Variants in GPM6A observed in about 807,000 individuals in gnomAD.
The protein encoded by GPM6A is glycoprotein M6A, also known as neuronal membrane glycoprotein M6-a.
In GPM6A, 7 loss-of-function variants were observed where a neutral mutation model predicts 32.1. The ratio of observed to expected loss-of-function variants is 0.22; its 90% CI spans 0.12 to 0.41. The LOEUF (loss-of-function observed/expected upper bound fraction) is 0.41. Among genes scored for constraint, GPM6A ranks in the 10% least tolerant of loss-of-function variants. The pLI, the probability that GPM6A is intolerant of heterozygous loss-of-function variation, is 1.00. For missense variants in GPM6A, 235 were observed against 347.2 expected (o/e 0.68, Z 2.57); for synonymous variants, 130 against 123.4 (o/e 1.05, Z -0.35).
chr4:175,812,954 C>T, upstream of GPM6A: 1 of 985,296 alleles, frequency 1.0e-6, no homozygotes, highest in African/African-American at 1.7e-5. Context: ...GACTTGTAAT[C>T]CCACACCTTT....
chr4:175,919,407 C>A (rs537903877), intron 1 of GPM6A, among the ~76,000 whole-genome samples: 56 of 152,244 alleles, frequency 3.7e-4, no homozygotes, highest in African/African-American at 1.3e-3. Flanking sequence ...CCAGAAGAAG[C>A]TTAAAGAGCT....
At chr4:175,965,283 C>T (rs969375424) in intron 1 of GPM6A, among the ~76,000 whole-genome samples, 4 of 151,728 alleles carry the variant, frequency 2.6e-5, no homozygotes, top group Admixed American at 6.6e-5. Flanking sequence ...TAAAGACAGA[C>T]CATTGGTACT....
intron 1 of GPM6A, among the ~76,000 whole-genome samples, chr4:175,785,582 T>C (rs1389057298): frequency 6.6e-6 from 1 of 152,192 alleles, no homozygotes; most frequent in Admixed American, 6.5e-5. Flanking sequence ...AAACTGATTA[T>C]TCTTTTAAAC....
intron 1 of GPM6A, among the ~76,000 whole-genome samples, chr4:175,721,165 A>ATATATATATATT (rs1553981545): frequency 4.8e-5 from 7 of 145,314 alleles, no homozygotes; most frequent in South Asian, 2.1e-4. Flanking sequence ...ATATATATAT[A>ATATATATATATT]TTTTCTATTT....
At chr4:175,643,939 C>T (rs1175121445) in intron 4 of GPM6A, among the ~76,000 whole-genome samples, 3 of 152,142 alleles carry the variant, frequency 2.0e-5, no homozygotes, top group Non-Finnish European at 4.4e-5. Flanking sequence ...CCACCCACTG[C>T]ACATGCGGAC....
At chr4:175,991,230 T>TA (rs34804620) in intron 1 of GPM6A, among the ~76,000 whole-genome samples, 18,107 of 122,772 alleles carry the variant, frequency 0.15, 1,193 homozygotes, top group South Asian at 0.26. Context: ...CACTCCCAGC[T>TA]ATTTTTTTTT....
At chr4:175,998,280 A>G (rs1177004381) in intron 1 of GPM6A, among the ~76,000 whole-genome samples, 1 of 151,812 alleles carries the variant, frequency 6.6e-6, no homozygotes, top group East Asian at 1.9e-4. Flanking sequence ...CAGCTTCCCG[A>G]GTAGCTGGGA....
upstream of GPM6A, chr4:175,812,574 G>C (rs1276546485): frequency 9.7e-7 from 1 of 1,034,482 alleles, no homozygotes; most frequent in African/African-American, 1.7e-5. Context: ...AATCCCAGGA[G>C]CAGAGACACT....
chr4:175,640,306 C>A (rs1291862903), intron 5 of GPM6A, 112 bp from the exon 6 acceptor site: 3 of 810,070 alleles, frequency 3.7e-6, no homozygotes, highest in East Asian at 5.2e-5. Flanking sequence ...TAAAAGCGAG[C>A]CTGTGATAAA....
At chr4:175,715,758 C>G (rs1005707386) in intron 1 of GPM6A, among the ~76,000 whole-genome samples, 1 of 150,818 alleles carries the variant, frequency 6.6e-6, no homozygotes, top group Non-Finnish European at 1.5e-5. Context: ...ACTATGAAAG[C>G]TACGAGGTCA....
At chr4:175,871,390 A>G (rs928512122) in intron 1 of GPM6A, among the ~76,000 whole-genome samples, 3 of 152,106 alleles carry the variant, frequency 2.0e-5, no homozygotes, top group Non-Finnish European at 2.9e-5. Flanking sequence ...GAATCACTTG[A>G]ACCCAGGAAG....
upstream of GPM6A, among the ~76,000 whole-genome samples, chr4:175,813,610 A>ATAAC (rs1257266557): frequency 6.6e-6 from 1 of 152,064 alleles, no homozygotes; most frequent in Non-Finnish European, 1.5e-5. Context: ...ACACACAGAC[A>ATAAC]TAACTGTAAC....
intron 1 of GPM6A, among the ~76,000 whole-genome samples, chr4:175,759,148 G>A (rs561939110): frequency 5.3e-5 from 8 of 152,222 alleles, no homozygotes; most frequent in Non-Finnish European, 1.2e-4. Context: ...TTCTGAGACC[G>A]CAAATCTCAC....
At chr4:175,695,827 T>C (rs1279242009) in intron 2 of GPM6A, among the ~76,000 whole-genome samples, 1 of 152,134 alleles carries the variant, frequency 6.6e-6, no homozygotes, top group Non-Finnish European at 1.5e-5. Context: ...ATGATTTGGA[T>C]CTGGTCCCCA....
intron 1 of GPM6A, among the ~76,000 whole-genome samples, chr4:175,803,286 T>C (rs1826764): frequency 0.48 from 73,168 of 151,852 alleles, 18,016 homozygotes; most frequent in Non-Finnish European, 0.53. Flanking sequence ...CTTCAGGAAT[T>C]TGTACTTTGA....
rs75916045 is a variant in GPM6A at position 175,736,820 on chromosome 4, T to G, written c.38-35053A>C. 3.6e-4 allele frequency among the ~76,000 whole-genome samples: 55 copies of G among 152,350 alleles called. No individual in the cohort carries two copies. The East Asian group carries it at 6.8e-3, about 19-fold the overall frequency. On this transcript the variant is annotated intron_variant, in intron 1 of 6. Coordinates refer to ENST00000393658, the MANE Select transcript of GPM6A (RefSeq NM_201591.3). Reference sequence around the variant, plus strand: ...GTCACCAAGAGACAGCATATATGACTGTGGATCGGTAAGATTATAATGTAG... The same window carrying G: ...GTCACCAAGAGACAGCATATATGACGGTGGATCGGTAAGATTATAATGTAG...
chr4:175,860,627 T>C (rs1736546502), intron 1 of GPM6A, among the ~76,000 whole-genome samples: 1 of 152,186 alleles, frequency 6.6e-6, no homozygotes, highest in Admixed American at 6.5e-5. Flanking sequence ...CCAAATATTA[T>C]GGTCTATGCT....
chr4:175,645,908 A>G (rs1741437718), intron 4 of GPM6A, among the ~76,000 whole-genome samples: 1 of 152,208 alleles, frequency 6.6e-6, no homozygotes, highest in Non-Finnish European at 1.5e-5. Flanking sequence ...AAATACCAGC[A>G]TGTCCTTTTG....
upstream of GPM6A, chr4:176,002,338 T>G (rs1741512762): frequency 1.3e-6 from 2 of 1,586,302 alleles, no homozygotes; most frequent in African/African-American, 2.7e-5. Flanking sequence ...TTCTCTGCAG[T>G]CCCCAGAGGA....
Sources: allele counts gnomAD v4.1 joint callset (sites outside exome capture counted in the v4.1 genomes callset), GRCh38; gene constraint gnomAD v4.1.1; transcripts MANE v1.5; gene names NCBI Gene and HGNC (gene_info 2026-07-23, HGNC 2026-07-21).